The following HYDIN variants were observed in gnomAD, a reference collection of about 807,000 sequenced individuals.
HYDIN encodes the protein HYDIN axonemal central pair apparatus protein.
HYDIN carries 132 observed loss-of-function variants against 403.9 expected under a neutral mutation model. That is an observed-to-expected ratio of 0.33 (90% CI 0.28 to 0.38). The LOEUF (loss-of-function observed/expected upper bound fraction) is 0.38, where lower values mean the gene tolerates loss of function less well. Ranked by LOEUF, HYDIN falls within the 10% of genes least tolerant of loss-of-function variation. The pLI, the probability that HYDIN is intolerant of heterozygous loss-of-function variation, is 1.00. For synonymous variants in HYDIN, 1,202 were observed against 1,891.7 expected (o/e 0.64, Z 9.46); for missense variants, 2,827 against 5,009.5 (o/e 0.56, Z 13.15).
intron 1 of HYDIN, among the ~76,000 whole-genome samples, chr16:71,206,534 C>G (rs1017776771): frequency 6.6e-6 from 1 of 152,198 alleles, no homozygotes; most frequent in Non-Finnish European, 1.5e-5. Context: ...TCTTTCCTCC[C>G]AACCACACTA....
At chr16:71,220,304 G>A (rs969146072) in intron 1 of HYDIN, among the ~76,000 whole-genome samples, 5 of 152,116 alleles carry the variant, frequency 3.3e-5, no homozygotes, top group Non-Finnish European at 7.4e-5. Flanking sequence ...TAACTACTAA[G>A]GGGTAATAAC....
chr16:70,925,780 C>A (rs1368600687), intron 45 of HYDIN, among the ~76,000 whole-genome samples: 1 of 151,938 alleles, frequency 6.6e-6, no homozygotes, highest in African/African-American at 2.4e-5. Flanking sequence ...AACAAACAAC[C>A]CCATCAAAAA....
chr16:71,069,540 C>G, intron 13 of HYDIN, 38 bp from the exon 14 acceptor site: 2 of 1,518,742 alleles, frequency 1.3e-6, no homozygotes, highest in Non-Finnish European at 1.8e-6. Flanking sequence ...TAAAAGCCCC[C>G]CCAACACCTC....
Position 70,807,472 on chromosome 16 carries a change from A to G in HYDIN, c.*108T>C. The G allele has an allele frequency of 1.6e-6, 2 of 1,256,592 alleles. No individual in the cohort carries two copies. Among genetic ancestry groups the G allele is most frequent in the East Asian group, 2.3e-5 (1 of 42,846 alleles). The allele number at this position is 1,256,592 out of a possible 1,614,324, so 77.8% of individuals were successfully genotyped here. A position where few individuals can be genotyped will look rare whatever the true frequency, so the allele number is the denominator to read the frequency against. ...AGGGAAATAACTGCCCTATAATTGT[A>G]TGAGAAGAATAAAAACAGTTCCTTT... On this transcript the variant is annotated 3_prime_UTR_variant, in exon 86 of 86. Coordinates refer to ENST00000393567, the MANE Select transcript of HYDIN (RefSeq NM_001270974.2).
At chr16:71,119,951 T>C (rs1209267205) in intron 9 of HYDIN, among the ~76,000 whole-genome samples, 1 of 151,792 alleles carries the variant, frequency 6.6e-6, no homozygotes, top group East Asian at 1.9e-4. Flanking sequence ...AAAAAAACTT[T>C]CTTTCTTTAT....
intron 36 of HYDIN, among the ~76,000 whole-genome samples, chr16:70,968,682 A>G (rs1271883075): frequency 6.6e-6 from 1 of 152,158 alleles, no homozygotes; most frequent in Non-Finnish European, 1.5e-5. Flanking sequence ...AAGGCCAGTT[A>G]AAACAAAATT....
At chr16:71,072,429 C>A (rs1218745800) in intron 13 of HYDIN, among the ~76,000 whole-genome samples, 1 of 152,176 alleles carries the variant, frequency 6.6e-6, no homozygotes, top group East Asian at 1.9e-4. Context: ...TACAGAAAGA[C>A]CACTGCTGTG....
chr16:70,850,090 G>A (rs1223523675), intron 74 of HYDIN, 143 bp from the exon 75 acceptor site: 23 of 631,256 alleles, frequency 3.6e-5, no homozygotes, highest in Non-Finnish European at 6.5e-5. Flanking sequence ...TTAGCTTAAT[G>A]GAGTCAGATA....
At chr16:71,181,465 G>A (rs2086901889) in intron 3 of HYDIN, among the ~76,000 whole-genome samples, 1 of 151,856 alleles carries the variant, frequency 6.6e-6, no homozygotes, top group South Asian at 2.1e-4. Flanking sequence ...TTAAATATAT[G>A]GTCACTTGAT....
chr16:71,197,816 T>C (rs1398466221), intron 1 of HYDIN, among the ~76,000 whole-genome samples: 4 of 152,200 alleles, frequency 2.6e-5, no homozygotes, highest in African/African-American at 9.6e-5. Flanking sequence ...GGTGCCATCT[T>C]GGCTCACTGC....
chr16:71,045,495 T>C (rs7405391), intron 18 of HYDIN, among the ~76,000 whole-genome samples: 59,971 of 151,178 alleles, frequency 0.4, 12,622 homozygotes, highest in Non-Finnish European at 0.47. Context: ...ATCTAATTCA[T>C]ATTGTTTTCA....
chr16:71,211,735 G>A (rs1293725256), intron 1 of HYDIN, among the ~76,000 whole-genome samples: 1 of 151,430 alleles, frequency 6.6e-6, no homozygotes, highest in Non-Finnish European at 1.5e-5. Flanking sequence ...TTCAAGGACA[G>A]TGAGGAACAC....
intron 62 of HYDIN, among the ~76,000 whole-genome samples, chr16:70,877,402 TA>T (rs2040511489): frequency 6.6e-6 from 1 of 152,052 alleles, no homozygotes; most frequent in Non-Finnish European, 1.5e-5. Context: ...CATATCATAG[TA>T]AAACTGTAGA....
intron 15 of HYDIN, among the ~76,000 whole-genome samples, chr16:71,065,936 C>T (rs1034218365): frequency 6.6e-5 from 10 of 152,246 alleles, no homozygotes; most frequent in East Asian, 1.9e-4. Context: ...TTTCTTTAAC[C>T]GCAAAGTTTG....
chr16:70,944,569 C>A (rs1002293867), intron 41 of HYDIN, among the ~76,000 whole-genome samples: 2 of 151,798 alleles, frequency 1.3e-5, no homozygotes, highest in African/African-American at 2.4e-5. Flanking sequence ...CACATGGAGC[C>A]CAGTGGGGCT....
chr16:71,033,804 C>T (rs905473210), intron 18 of HYDIN, among the ~76,000 whole-genome samples: 1 of 151,768 alleles, frequency 6.6e-6, no homozygotes, highest in Non-Finnish European at 1.5e-5. Flanking sequence ...AAATCATTTC[C>T]CCATTTTGAT....
Position 70,981,443 on chromosome 16 carries a change from G to T in HYDIN, c.4458C>A (p.Ser1486Arg), listed in dbSNP as rs376407394. The T allele has an allele frequency of 6.2e-7, 1 of 1,613,606 alleles. No individual in the cohort carries two copies. The highest frequency in any genetic ancestry group is 1.3e-5 in the African/African-American group (1 of 74,860). Residue 1486 changes from serine to arginine, a missense_variant, in exon 29 of 86, where the codon AGC becomes AGA. Ser to Arg is a moderately radical substitution (Grantham distance 110). Coordinates refer to ENST00000393567, the MANE Select transcript of HYDIN (RefSeq NM_001270974.2). ...AHLDPENITLSGEGIFPQICL... is the reference protein window; with the variant it reads ...AHLDPENITLRGEGIFPQICL... The stretch of plus-strand genomic sequence containing the variant: ...AGATTTGGGGAAAGATTCCCTCTCC[G>T]CTCAGAGTGATATTTTCTGGGTCCA...
chr16:70,997,639 A>G (rs1346795718), intron 23 of HYDIN, among the ~76,000 whole-genome samples: 1 of 150,798 alleles, frequency 6.6e-6, no homozygotes, highest in Non-Finnish European at 1.5e-5. Context: ...ATCTTCCCTG[A>G]CCCCCAGGTC....
intron 40 of HYDIN, among the ~76,000 whole-genome samples, chr16:70,952,933 AC>A (rs2078118183): frequency 6.6e-6 from 1 of 151,862 alleles, no homozygotes; most frequent in South Asian, 2.1e-4. Context: ...TGGGTGCTGT[AC>A]ATTCACCGCA....
Sources: gnomAD v4.1 joint callset for allele counts (sites outside exome capture counted in the v4.1 genomes callset) on GRCh38, gnomAD v4.1.1 for gene constraint, MANE v1.5 for transcripts, NCBI Gene and HGNC (gene_info 2026-07-23, HGNC 2026-07-21) for gene names.